Variants in FHIT observed in about 807,000 individuals in gnomAD.
FHIT encodes bis(5'-adenosyl)-triphosphatase.
In FHIT, 19 loss-of-function variants were observed where a neutral mutation model predicts 17.9. The ratio of observed to expected loss-of-function variants is 1.06; its 90% CI spans 0.74 to 1.56. The LOEUF is 1.56. FHIT is among the 40% of genes most tolerant of loss of function. The probability of loss-of-function intolerance (pLI) is 0.00; values close to 1 mark genes in which losing one functional copy is unlikely to be tolerated. For synonymous variants in FHIT, 81 were observed against 69.7 expected, an observed-to-expected ratio of 1.16 and a Z score of -0.81; for missense variants, 248 against 189.2, an observed-to-expected ratio of 1.31 and a Z score of -1.82.
At chr3:60,170,428 T>C (rs1409721721) in intron 5 of FHIT, among the ~76,000 whole-genome samples, 2 of 152,194 alleles carry the variant, frequency 1.3e-5, no homozygotes, top group African/African-American at 2.4e-5. Context: ...TTGACATGCA[T>C]TCTTATCACT....
At chr3:60,373,800 A>G (rs1700434505) in intron 5 of FHIT, among the ~76,000 whole-genome samples, 2 of 152,194 alleles carry the variant, frequency 1.3e-5, no homozygotes, top group Admixed American at 1.3e-4. Flanking sequence ...TCCTATTCCT[A>G]TTTCAAACTT....
At chr3:60,690,455 T>G (rs2040960466) in intron 4 of FHIT, 8 of 576,348 alleles carry the variant, frequency 1.4e-5, no homozygotes, top group South Asian at 9.6e-5. Flanking sequence ...TGCTTCAGGA[T>G]GAAGTTCTCG....
At chr3:60,176,002 A>T (rs74576278) in intron 5 of FHIT, among the ~76,000 whole-genome samples, 5,086 of 152,278 alleles carry the variant, frequency 0.033, 267 homozygotes, top group African/African-American at 0.12. Context: ...GGGCTAATGT[A>T]GCTGAAAGAC....
intron 8 of FHIT, among the ~76,000 whole-genome samples, chr3:59,819,939 C>T (rs1288860301): frequency 6.6e-6 from 1 of 152,192 alleles, no homozygotes; most frequent in African/African-American, 2.4e-5. Context: ...TGTGAGGACA[C>T]AGTGTTTGTC....
chr3:60,667,473 T>C (rs1553692751), intron 4 of FHIT, among the ~76,000 whole-genome samples: 4 of 152,200 alleles, frequency 2.6e-5, no homozygotes, highest in South Asian at 2.1e-4. Flanking sequence ...AGTTGTTTTA[T>C]AACTTCTATT....
At chr3:61,107,321 C>G (rs1414540374) in intron 2 of FHIT, among the ~76,000 whole-genome samples, 1 of 152,118 alleles carries the variant, frequency 6.6e-6, no homozygotes, top group Non-Finnish European at 1.5e-5. Context: ...TTTATTAAGG[C>G]TGAATAATTT....
At chr3:59,987,329 G>C (rs971119160) in intron 7 of FHIT, among the ~76,000 whole-genome samples, 1 of 151,674 alleles carries the variant, frequency 6.6e-6, no homozygotes, top group African/African-American at 2.4e-5. Flanking sequence ...CTGTGAACAC[G>C]GTTAGAAATT....
chr3:60,201,505 C>T (rs7650092), intron 5 of FHIT, among the ~76,000 whole-genome samples: 1 of 152,004 alleles, frequency 6.6e-6, no homozygotes, highest in Non-Finnish European at 1.5e-5. Context: ...GGTAGATAAT[C>T]AGAAGAAAAG....
intron 3 of FHIT, among the ~76,000 whole-genome samples, chr3:60,895,106 G>A (rs984040629): frequency 6.6e-6 from 1 of 152,172 alleles, no homozygotes; most frequent in Non-Finnish European, 1.5e-5. Context: ...TAGCCTCCTT[G>A]AAGCTGGAAT....
intron 5 of FHIT, among the ~76,000 whole-genome samples, chr3:60,131,973 CTT>C (rs1038157668): frequency 1.3e-5 from 2 of 152,180 alleles, no homozygotes; most frequent in South Asian, 2.1e-4. Context: ...GCCAACTAGT[CTT>C]TGCCAGTTGT....
chr3:59,859,298 T>C (rs933076442), intron 8 of FHIT, among the ~76,000 whole-genome samples: 5 of 152,060 alleles, frequency 3.3e-5, no homozygotes, highest in African/African-American at 9.7e-5. Flanking sequence ...CAAGATGGCA[T>C]GGAAGAATAC....
At chr3:60,705,528 AT>A (rs1326674654) in intron 4 of FHIT, among the ~76,000 whole-genome samples, 1 of 152,230 alleles carries the variant, frequency 6.6e-6, no homozygotes, top group Non-Finnish European at 1.5e-5. Flanking sequence ...AAGCAATTCT[AT>A]TGAATTCGGG....
At chr3:60,678,492 T>C (rs912439301) in intron 4 of FHIT, among the ~76,000 whole-genome samples, 4 of 152,186 alleles carry the variant, frequency 2.6e-5, no homozygotes, top group Non-Finnish European at 5.9e-5. Flanking sequence ...TTCAATAGAA[T>C]GCAAAATTAG....
At chr3:60,048,770 T>C (rs1046344889) in intron 5 of FHIT, among the ~76,000 whole-genome samples, 3 of 152,198 alleles carry the variant, frequency 2.0e-5, no homozygotes, top group Admixed American at 1.3e-4. Flanking sequence ...AAACGTCCTT[T>C]GATCTTTTTC....
At chr3:60,390,700 T>A (rs1467968768) in intron 5 of FHIT, among the ~76,000 whole-genome samples, 1 of 151,984 alleles carries the variant, frequency 6.6e-6, no homozygotes. Context: ...TGTGTGTTTG[T>A]GTCTTAGTCT....
intron 5 of FHIT, among the ~76,000 whole-genome samples, chr3:60,212,183 A>G (rs537473012): frequency 1.3e-3 from 192 of 152,252 alleles, no homozygotes; most frequent in Non-Finnish European, 2.2e-3. Context: ...TCACTCATCA[A>G]TATGAATTTT....
chr3:59,757,561 G>T lies in FHIT; in HGVS notation c.349-5240C>A, dbSNP rs531826311. Among the ~76,000 whole-genome samples, 7 of 152,272 alleles carry T rather than the reference G, an allele frequency of 4.6e-5. No individual in the cohort carries two copies. The South Asian group carries it at 1.5e-3, about 32-fold the overall frequency. The stretch of plus-strand genomic sequence containing the variant: ...TAGAGTTCTGTAATGGAATGCAGTA[G>T]GAGGAATGGTTCACAATAATTTAAA... On this transcript the variant is annotated intron_variant, in intron 8 of 9. Coordinates refer to ENST00000492590, the MANE Select transcript of FHIT (RefSeq NM_002012.4).
chr3:60,587,311 T>C (rs962745590), intron 4 of FHIT, among the ~76,000 whole-genome samples: 2 of 151,844 alleles, frequency 1.3e-5, no homozygotes, highest in African/African-American at 4.8e-5. Context: ...TGAGAACACA[T>C]GAACACTGGG....
At chr3:61,048,261 A>G (rs1452276743) in intron 2 of FHIT, among the ~76,000 whole-genome samples, 1 of 152,224 alleles carries the variant, frequency 6.6e-6, no homozygotes, top group Non-Finnish European at 1.5e-5. Flanking sequence ...ATCTTCCAAG[A>G]ACTTAAACAA....
Sources: gnomAD v4.1 joint callset for allele counts (sites outside exome capture counted in the v4.1 genomes callset) on GRCh38, gnomAD v4.1.1 for gene constraint, MANE v1.5 for transcripts, NCBI Gene and HGNC (gene_info 2026-07-23, HGNC 2026-07-21) for gene names.